The following GHR variants were observed in gnomAD, a reference collection of about 807,000 sequenced individuals.
The protein encoded by GHR is GH receptor.
GHR carries 35 observed loss-of-function variants against 67.1 expected under a neutral mutation model. The ratio of observed to expected loss-of-function variants is 0.52; its 90% confidence interval spans 0.40 to 0.69. GHR has a LOEUF of 0.69. Among genes scored for constraint, GHR ranks in the 30% least tolerant of loss-of-function variants. The pLI, the probability that GHR is intolerant of heterozygous loss-of-function variation, is 0.00. For synonymous variants in GHR, 272 were observed against 269.1 expected (o/e 1.01, Z -0.10); for missense variants, 792 against 764.6 (o/e 1.04, Z -0.42).
At chr5:42,428,841 CAAG>C (rs1174321019) in intron 1 of GHR, among the ~76,000 whole-genome samples, 13 of 152,194 alleles carry the variant, frequency 8.5e-5, no homozygotes, top group African/African-American at 2.9e-4. Flanking sequence ...AGCCATTCAA[CAAG>C]TCTCTAGGAA....
rs77323047 is a variant in GHR, at chr5:42,571,196, G to A, written c.70+5252G>A. On this transcript the variant is annotated intron_variant, in intron 2 of 9. Coordinates refer to ENST00000230882, the MANE Select transcript of GHR (RefSeq NM_000163.5). ...TGCACAGAACAACTCTGTAGGGGAG[G>A]AAACATGCTGAGGCTGGATGACAGC... is the stretch of plus-strand genomic sequence containing the variant. 5.9e-5 allele frequency among the ~76,000 whole-genome samples: 9 copies of A among 152,310 alleles called. No individual in the cohort carries two copies. The East Asian group carries it at 1.7e-3, about 29-fold the overall frequency.
chr5:42,674,408 G>T (rs1440911452), intron 3 of GHR, among the ~76,000 whole-genome samples: 1 of 151,958 alleles, frequency 6.6e-6, no homozygotes, highest in Non-Finnish European at 1.5e-5. Context: ...AGTGGTTTTT[G>T]GTATATTCAC....
intron 1 of GHR, chr5:42,548,450 T>A (rs1469122731): frequency 2.0e-6 from 2 of 984,900 alleles, no homozygotes; most frequent in Non-Finnish European, 2.4e-6. Flanking sequence ...AAAGGAAATT[T>A]AAAAAGTTCT....
chr5:42,433,701 A>G (rs1198688221), intron 1 of GHR, among the ~76,000 whole-genome samples: 3 of 149,182 alleles, frequency 2.0e-5, no homozygotes, highest in Non-Finnish European at 4.5e-5. Flanking sequence ...CATGGGCAAC[A>G]TGGCTCCTGA....
At chr5:42,538,698 C>T (rs891125794) in intron 1 of GHR, among the ~76,000 whole-genome samples, 1 of 152,078 alleles carries the variant, frequency 6.6e-6, no homozygotes, top group East Asian at 1.9e-4. Flanking sequence ...GTTCTTTGTG[C>T]TTCTTATATT....
At chr5:42,574,676 C>A (rs533053292) in intron 2 of GHR, among the ~76,000 whole-genome samples, 6 of 152,262 alleles carry the variant, frequency 3.9e-5, no homozygotes, top group African/African-American at 1.4e-4. Flanking sequence ...GGTCAAAAAA[C>A]TCACTTTAAG....
chr5:42,548,179 G>A (rs1294401625), intron 1 of GHR: 1 of 981,020 alleles, frequency 1.0e-6, no homozygotes, highest in Non-Finnish European at 1.2e-6. Flanking sequence ...ATGAGACAAT[G>A]GTCTGATGTG....
At chr5:42,534,796 T>C (rs1748182475) in intron 1 of GHR, among the ~76,000 whole-genome samples, 1 of 152,098 alleles carries the variant, frequency 6.6e-6, no homozygotes, top group Non-Finnish European at 1.5e-5. Flanking sequence ...AAGTGTTCCC[T>C]GATCACCGCA....
At chr5:42,670,873 A>AT (rs1391698260) in intron 3 of GHR, among the ~76,000 whole-genome samples, 38 of 89,700 alleles carry the variant, frequency 4.2e-4, no homozygotes, top group African/African-American at 1.4e-3. Flanking sequence ...ATTAAAAAAA[A>AT]AAAAAAAATA....
chr5:42,713,497 T>C lies in GHR; in HGVS notation c.853T>C (p.Phe285Leu), dbSNP rs1160615779. 2 of 1,442,786 alleles carry C rather than the reference T, an allele frequency of 1.4e-6. No individual in the cohort carries two copies. The highest frequency in any genetic ancestry group is 1.9e-6 in the Non-Finnish European group (2 of 1,028,446). The allele number at this position is 1,442,786 out of a possible 1,614,324, so 89.4% of individuals were successfully genotyped here. The change falls in exon 8 of 10, where the codon TTC (phenylalanine) becomes CTC (leucine). Residue 285 changes from phenylalanine to leucine, a missense_variant. Transcript: ENST00000230882. ...TGGGCTAACAGTGATGCTATTTGTA[T>C]TCTTATTTTCTAAACAGCAAAGGTA... ...IFGLTVMLFV[F>L]LFSKQQRIKM... is the part of the protein sequence containing the mutation.
At chr5:42,608,074 T>C (rs1752711662) in intron 2 of GHR, among the ~76,000 whole-genome samples, 1 of 152,224 alleles carries the variant, frequency 6.6e-6, no homozygotes, top group African/African-American at 2.4e-5. Flanking sequence ...TGTCTGGTAG[T>C]GTGAGCATGA....
intron 1 of GHR, among the ~76,000 whole-genome samples, chr5:42,535,912 T>C (rs1398134831): frequency 6.6e-6 from 1 of 152,006 alleles, no homozygotes; most frequent in Non-Finnish European, 1.5e-5. Flanking sequence ...TATTTTTTAT[T>C]TTTTTGGCAG....
intron 1 of GHR, among the ~76,000 whole-genome samples, chr5:42,451,854 C>G (rs1224594091): frequency 6.6e-6 from 1 of 152,146 alleles, no homozygotes; most frequent in Non-Finnish European, 1.5e-5. Flanking sequence ...GGATTTCTCT[C>G]CATTCTGTCA....
intron 1 of GHR, chr5:42,467,008 C>G: frequency 6.4e-7 from 1 of 1,561,432 alleles, no homozygotes; most frequent in East Asian, 2.3e-5. Flanking sequence ...CACCGTGAGG[C>G]TCAACCTCTG....
At chr5:42,613,965 A>G (rs113048880) in intron 2 of GHR, among the ~76,000 whole-genome samples, 1 of 152,220 alleles carries the variant, frequency 6.6e-6, no homozygotes, top group African/African-American at 2.4e-5. Context: ...GTTGAAAACT[A>G]CTTGTACCCT....
rs1289048911 is a variant in GHR, at chr5:42,423,610, G to C, written c.-357G>C. On this transcript the variant is annotated 5_prime_UTR_variant, in exon 1 of 10. Coordinates refer to ENST00000230882, the MANE Select transcript of GHR (RefSeq NM_000163.5). ...GCAACCTGGATCTGGGGGACTGCGG[G>C]CCAGGCGCGGCGTGACCCCTGGTGA... 6.6e-6 allele frequency among the ~76,000 whole-genome samples: 1 copy of C among 152,206 alleles called. No homozygotes were observed. Among genetic ancestry groups the C allele is most frequent in the Non-Finnish European group, 1.5e-5 (1 of 68,040 alleles).
chr5:42,615,726 GAAAAAAACAAAAAAC>G (rs1753109328), intron 2 of GHR, among the ~76,000 whole-genome samples: 1 of 127,350 alleles, frequency 7.9e-6, no homozygotes, highest in African/African-American at 3.4e-5. Flanking sequence ...TAGAAATTTG[GAAAAAAACAAAAAAC>G]AAAAAAAAAA....
chr5:42,573,808 A>G (rs1397771362), intron 2 of GHR, among the ~76,000 whole-genome samples: 1 of 152,208 alleles, frequency 6.6e-6, no homozygotes, highest in African/African-American at 2.4e-5. Context: ...TATTAATAAA[A>G]TCTTTAATTT....
intron 1 of GHR, among the ~76,000 whole-genome samples, chr5:42,529,583 T>A (rs1414624390): frequency 6.6e-6 from 1 of 152,182 alleles, no homozygotes; most frequent in Non-Finnish European, 1.5e-5. Context: ...TGAATCTGTC[T>A]GGCCAGTTCT....
Sources: allele counts gnomAD v4.1 joint callset (sites outside exome capture counted in the v4.1 genomes callset), GRCh38; gene constraint gnomAD v4.1.1; transcripts MANE v1.5; gene names NCBI Gene and HGNC (gene_info 2026-07-23, HGNC 2026-07-21).